Variants in LEKR1 observed in about 807,000 individuals in gnomAD.
LEKR1 encodes the protein protein LEKR1.
LEKR1 carries 59 observed loss-of-function variants against 72.4 expected under a neutral mutation model. That is an observed-to-expected ratio of 0.82 (90% confidence interval 0.66 to 1.01). The LOEUF (loss-of-function observed/expected upper bound fraction) is 1.01. Among genes scored for constraint, LEKR1 ranks in the 50% least tolerant of loss-of-function variants. The pLI, the probability that LEKR1 is intolerant of heterozygous loss-of-function variation, is 0.00. For synonymous variants in LEKR1, 257 were observed against 263.2 expected (o/e 0.98, Z 0.23); for missense variants, 728 against 759.2 (o/e 0.96, Z 0.48).
intron 9 of LEKR1, among the ~76,000 whole-genome samples, chr3:157,001,593 G>A (rs1004442892): frequency 2.0e-5 from 3 of 152,136 alleles, no homozygotes; most frequent in Non-Finnish European, 2.9e-5. Context: ...TCTTAATTGT[G>A]AATAAGTCCT....
intron 3 of LEKR1, among the ~76,000 whole-genome samples, chr3:156,876,877 A>G (rs1426525027): frequency 6.6e-6 from 1 of 152,218 alleles, no homozygotes; most frequent in Non-Finnish European, 1.5e-5. Context: ...AAGTGATGAA[A>G]GTAATCATCC....
intron 6 of LEKR1, among the ~76,000 whole-genome samples, chr3:156,966,976 A>G (rs1017431611): frequency 1.3e-5 from 2 of 152,068 alleles, no homozygotes; most frequent in African/African-American, 2.4e-5. Context: ...CCACAAATAT[A>G]TGCTGTTCTG....
chr3:156,878,823 A>T (rs1049902682), intron 3 of LEKR1, among the ~76,000 whole-genome samples: 1 of 152,068 alleles, frequency 6.6e-6, no homozygotes, highest in South Asian at 2.1e-4. Flanking sequence ...AGTTTCCCCC[A>T]TATTTGTTCT....
chr3:156,908,255 C>T (rs547036669), intron 3 of LEKR1, among the ~76,000 whole-genome samples: 1 of 152,196 alleles, frequency 6.6e-6, no homozygotes, highest in Admixed American at 6.5e-5. Context: ...TTTTGAGACT[C>T]TCCGAATATT....
At chr3:157,015,850 A>G (rs1733272290) in intron 10 of LEKR1, among the ~76,000 whole-genome samples, 1 of 152,170 alleles carries the variant, frequency 6.6e-6, no homozygotes, top group Non-Finnish European at 1.5e-5. Context: ...TGACCATGTT[A>G]AGCAGAGAAA....
At chr3:156,912,883 G>A (rs1487521169) in intron 3 of LEKR1, among the ~76,000 whole-genome samples, 1 of 152,112 alleles carries the variant, frequency 6.6e-6, no homozygotes, top group Non-Finnish European at 1.5e-5. Context: ...AGGTTCCCTG[G>A]TATGAGTTTA....
At chr3:156,964,651 A>G (rs1196741966) in intron 6 of LEKR1, among the ~76,000 whole-genome samples, 1 of 152,130 alleles carries the variant, frequency 6.6e-6, no homozygotes, top group Non-Finnish European at 1.5e-5. Context: ...CTGCCATCCT[A>G]GCACAGAGAA....
chr3:157,017,852 G>A (rs1733479670), intron 10 of LEKR1, among the ~76,000 whole-genome samples: 1 of 149,514 alleles, frequency 6.7e-6, no homozygotes, highest in Non-Finnish European at 1.5e-5. Flanking sequence ...GGGAGGCTGA[G>A]ACAGGAGAAT....
At chr3:156,842,744 T>C (rs1359077525) in intron 2 of LEKR1, among the ~76,000 whole-genome samples, 15 of 152,208 alleles carry the variant, frequency 9.9e-5, no homozygotes, top group Non-Finnish European at 1.5e-5. Context: ...AAGGCTAAGA[T>C]TGTTAAAGCA....
At chr3:156,997,341 C>A (rs1731662399) in intron 9 of LEKR1, among the ~76,000 whole-genome samples, 1 of 152,188 alleles carries the variant, frequency 6.6e-6, no homozygotes, top group African/African-American at 2.4e-5. Flanking sequence ...GCTCTTGAAG[C>A]TTTGATTTGA....
chr3:157,022,776 C>T (rs867389040), intron 10 of LEKR1, among the ~76,000 whole-genome samples: 19 of 152,252 alleles, frequency 1.2e-4, no homozygotes, highest in African/African-American at 4.6e-4. Context: ...CTGAGACTTC[C>T]TTTGTCTTCA....
At chr3:156,872,346 CAAGT>C (rs1197592393) in intron 3 of LEKR1, among the ~76,000 whole-genome samples, 1 of 151,926 alleles carries the variant, frequency 6.6e-6, no homozygotes, top group African/African-American at 2.4e-5. Flanking sequence ...ATTAGTCTAG[CAAGT>C]GGTTTGTCAA....
chr3:156,908,439 C>T lies in LEKR1; in HGVS notation c.264-12136C>T, dbSNP rs1722748425. The stretch of plus-strand genomic sequence containing the variant: ...AGCTGTCTTTTATTACTCAATTGTT[C>T]ATTCAGTTATTTATATCAGTGTGGA... On this transcript the variant is annotated intron_variant, in intron 3 of 12. Transcript: ENST00000356539. 2.0e-5 allele frequency among the ~76,000 whole-genome samples: 3 copies of T among 152,016 alleles called. No homozygotes were observed. The South Asian group carries it at 6.2e-4, about 32-fold the overall frequency.
chr3:157,010,028 TATC>T (rs1732763854), intron 9 of LEKR1, among the ~76,000 whole-genome samples: 1 of 152,046 alleles, frequency 6.6e-6, no homozygotes, highest in South Asian at 2.1e-4. Context: ...ATTTCTGTAT[TATC>T]ATCTTAATAT....
intron 6 of LEKR1, among the ~76,000 whole-genome samples, chr3:156,969,201 A>G (rs1473149091): frequency 6.6e-6 from 1 of 152,210 alleles, no homozygotes; most frequent in African/African-American, 2.4e-5. Context: ...ACACCCTAAC[A>G]TCACAATTAA....
intron 7 of LEKR1, among the ~76,000 whole-genome samples, chr3:156,992,191 A>G (rs938309438): frequency 6.6e-6 from 1 of 152,176 alleles, no homozygotes; most frequent in Non-Finnish European, 1.5e-5. Context: ...GGTTGCCCCA[A>G]ATACCATGGC....
chr3:156,846,466 G>A (rs1190595951), intron 2 of LEKR1, among the ~76,000 whole-genome samples: 1 of 150,712 alleles, frequency 6.6e-6, no homozygotes, highest in Non-Finnish European at 1.5e-5. Context: ...TTTTTTGTAA[G>A]TGCCCTTTAC....
intron 4 of LEKR1, among the ~76,000 whole-genome samples, chr3:156,921,556 A>T (rs1009018898): frequency 2.3e-4 from 35 of 152,284 alleles, no homozygotes; most frequent in African/African-American, 7.0e-4. Flanking sequence ...CACTCACAAA[A>T]CAAGTGACCA....
intron 12 of LEKR1, among the ~76,000 whole-genome samples, chr3:157,039,236 A>G (rs914930725): frequency 5.3e-5 from 8 of 152,314 alleles, no homozygotes; most frequent in Admixed American, 5.2e-4. Context: ...CATTGGCATC[A>G]TGGGTTATTT....
Sources: allele counts gnomAD v4.1 joint callset (sites outside exome capture counted in the v4.1 genomes callset), GRCh38; gene constraint gnomAD v4.1.1; transcripts MANE v1.5; gene names NCBI Gene and HGNC (gene_info 2026-07-23, HGNC 2026-07-21).